NRG1: variants seen among roughly 807,000 people sequenced by gnomAD.
The protein encoded by NRG1 is neuregulin 1, also known as pro-neuregulin-1, membrane-bound isoform.
NRG1 carries 18 observed loss-of-function variants against 63.8 expected under a neutral mutation model. That is an observed-to-expected ratio of 0.28 (90% confidence interval 0.19 to 0.42). The LOEUF (loss-of-function observed/expected upper bound fraction) is 0.42, where lower values mean the gene tolerates loss of function less well. NRG1 is among the 10% of genes least tolerant of loss of function. NRG1 has a pLI of 1.00. For synonymous variants in NRG1, 302 were observed against 301.3 expected, an observed-to-expected ratio of 1.00 and a Z score of -0.02; for missense variants, 762 against 814.7, an observed-to-expected ratio of 0.94 and a Z score of 0.79.
chr8:32,042,812 T>G (rs1288869316), intron 1 of NRG1, among the ~76,000 whole-genome samples: 1 of 152,138 alleles, frequency 6.6e-6, no homozygotes, highest in African/African-American at 2.4e-5. Context: ...TTGGTGAATT[T>G]GAAGATAGAT....
intron 1 of NRG1, among the ~76,000 whole-genome samples, chr8:31,656,519 T>G (rs1805450011): frequency 6.6e-6 from 1 of 152,206 alleles, no homozygotes; most frequent in Non-Finnish European, 1.5e-5. Context: ...TTTATTTATC[T>G]GGACATAAGT....
intron 5 of NRG1, among the ~76,000 whole-genome samples, chr8:32,685,298 G>T (rs1809794294): frequency 6.6e-6 from 1 of 152,102 alleles, no homozygotes; most frequent in Non-Finnish European, 1.5e-5. Context: ...TACATTTGGG[G>T]AGTCACAGCG....
chr8:31,958,598 C>G (rs185944683), intron 1 of NRG1, among the ~76,000 whole-genome samples: 11 of 152,152 alleles, frequency 7.2e-5, no homozygotes, highest in Non-Finnish European at 1.6e-4. Context: ...GAGACAGAGT[C>G]TTGCATGGCA....
intron 1 of NRG1, among the ~76,000 whole-genome samples, chr8:31,662,175 G>T (rs531732354): frequency 1.7e-4 from 26 of 152,280 alleles, no homozygotes; most frequent in African/African-American, 6.3e-4. Flanking sequence ...GCAATTAGTG[G>T]ACAGAGACAG....
chr8:32,090,377 G>A (rs1376129391), intron 1 of NRG1, among the ~76,000 whole-genome samples: 1 of 152,196 alleles, frequency 6.6e-6, no homozygotes, highest in Non-Finnish European at 1.5e-5. Flanking sequence ...TTGAAGTGCA[G>A]TGGTGCGACG....
chr8:31,879,916 T>A (rs929569896), intron 1 of NRG1, among the ~76,000 whole-genome samples: 10 of 152,226 alleles, frequency 6.6e-5, no homozygotes, highest in Admixed American at 1.3e-4. Context: ...TGCATACTAT[T>A]CCATGGTGTA....
intron 1 of NRG1, among the ~76,000 whole-genome samples, chr8:31,945,782 C>A (rs988509304): frequency 7.2e-5 from 11 of 152,198 alleles, no homozygotes; most frequent in Non-Finnish European, 1.3e-4. Context: ...CCTTTCCCAA[C>A]CTGACTCTCA....
intron 1 of NRG1, among the ~76,000 whole-genome samples, chr8:31,754,645 A>T (rs1271877914): frequency 6.6e-6 from 1 of 151,958 alleles, no homozygotes. Context: ...ATATCCTCTC[A>T]CTTCTAATCC....
intron 1 of NRG1, among the ~76,000 whole-genome samples, chr8:32,133,841 A>T (rs754437998): frequency 5.9e-5 from 9 of 152,130 alleles, no homozygotes; most frequent in Admixed American, 2.6e-4. Flanking sequence ...AAAAGTAGTG[A>T]TTTCTTAGGC....
chr8:31,896,790 G>T (rs1831615732), intron 1 of NRG1, among the ~76,000 whole-genome samples: 1 of 152,046 alleles, frequency 6.6e-6, no homozygotes, highest in Admixed American at 6.5e-5. Flanking sequence ...CCAACTATAG[G>T]AATATTTAAT....
chr8:31,729,980 T>G lies in NRG1; in HGVS notation c.37+90549T>G, dbSNP rs117932551. Among the ~76,000 whole-genome samples, 587 of 152,252 alleles carry G rather than the reference T, an allele frequency of 3.9e-3. 1 individual carries two copies. Among genetic ancestry groups the G allele is most frequent in the South Asian group, 0.019 (90 of 4,822 alleles). On this transcript the variant is annotated intron_variant, in intron 1 of 10. Coordinates refer to the NRG1 transcript ENST00000519301. Reference sequence around the variant, plus strand: ...CCCCTTTGTCCTAAGAAAGAATTCCTACGGAGTATAGGGTAATCAAGAACT... The same window carrying G: ...CCCCTTTGTCCTAAGAAAGAATTCCGACGGAGTATAGGGTAATCAAGAACT...
At chr8:31,986,409 C>A (rs1810075735) in intron 1 of NRG1, among the ~76,000 whole-genome samples, 1 of 152,070 alleles carries the variant, frequency 6.6e-6, no homozygotes, top group African/African-American at 2.4e-5. Context: ...ACTCTGAAAT[C>A]TGGGTGTTAT....
At chr8:32,344,304 TC>T (rs1313427857) in intron 1 of NRG1, among the ~76,000 whole-genome samples, 1 of 103,560 alleles carries the variant, frequency 9.7e-6, no homozygotes, top group African/African-American at 3.0e-5. Flanking sequence ...AAGAGCCACA[TC>T]TTTTTTTTTT....
rs563455286 is a variant in NRG1, at chr8:31,866,750, T to C, written c.37+227319T>C. Among the ~76,000 whole-genome samples, 170 of 152,306 alleles carry C rather than the reference T, an allele frequency of 1.1e-3. 5 individuals carry two copies. The highest frequency in any genetic ancestry group is 3.1e-4 in the Non-Finnish European group (21 of 68,022). ...AGATAGGAGCAAACTTCATAAAATG[T>C]AGAATTCCCTCTGCATGCATAGGGA... On this transcript the variant is annotated intron_variant, in intron 1 of 10. Transcript: ENST00000519301.
At chr8:32,304,275 A>C (rs1855947958) in intron 1 of NRG1, among the ~76,000 whole-genome samples, 1 of 152,268 alleles carries the variant, frequency 6.6e-6, no homozygotes, top group Non-Finnish European at 1.5e-5. Flanking sequence ...AGCTTTTATC[A>C]AAATGCGATT....
intron 1 of NRG1, among the ~76,000 whole-genome samples, chr8:31,773,591 CT>C (rs1818838315): frequency 6.6e-6 from 1 of 152,164 alleles, no homozygotes; most frequent in African/African-American, 2.4e-5. Flanking sequence ...CCAGAGGGAT[CT>C]TTTAAAATTA....
At chr8:32,169,715 A>T (rs58421131) in intron 1 of NRG1, among the ~76,000 whole-genome samples, 8,538 of 152,292 alleles carry the variant, frequency 0.056, 401 homozygotes, top group East Asian at 0.26. Flanking sequence ...TTTTACTCTG[A>T]GAGGATATTT....
intron 1 of NRG1, among the ~76,000 whole-genome samples, chr8:32,265,715 C>T (rs889433271): frequency 6.6e-6 from 1 of 151,752 alleles, no homozygotes; most frequent in Non-Finnish European, 1.5e-5. Context: ...TGGTGGCATG[C>T]ATCTGTAGAC....
chr8:32,306,213 G>A (rs1344074138), intron 1 of NRG1, among the ~76,000 whole-genome samples: 1 of 152,160 alleles, frequency 6.6e-6, no homozygotes, highest in Non-Finnish European at 1.5e-5. Flanking sequence ...TCACCAATGT[G>A]AATTTACTTG....
Sources: gnomAD v4.1 joint callset for allele counts (sites outside exome capture counted in the v4.1 genomes callset) on GRCh38, gnomAD v4.1.1 for gene constraint, MANE v1.5 for transcripts, NCBI Gene and HGNC (gene_info 2026-07-23, HGNC 2026-07-21) for gene names.